LRFN2: variants seen among roughly 807,000 people sequenced by gnomAD.
The protein encoded by LRFN2 is leucine rich repeat and fibronectin type III domain containing 2.
Under a neutral mutation model 37.3 loss-of-function variants are expected in LRFN2, and 18 were observed. The ratio of observed to expected loss-of-function variants is 0.48; its 90% CI spans 0.33 to 0.72. The LOEUF (loss-of-function observed/expected upper bound fraction) is 0.72. Among genes scored for constraint, LRFN2 ranks in the 30% least tolerant of loss-of-function variants. The probability of loss-of-function intolerance (pLI) is 0.02; values close to 1 mark genes in which losing one functional copy is unlikely to be tolerated. For synonymous variants in LRFN2, 556 were observed against 466.6 expected (o/e 1.19, Z -2.47); for missense variants, 1,006 against 1,060.7 (o/e 0.95, Z 0.72).
At chr6:40,461,600 A>C (rs1207622569) in intron 1 of LRFN2, among the ~76,000 whole-genome samples, 8 of 142,980 alleles carry the variant, frequency 5.6e-5, no homozygotes, top group African/African-American at 1.5e-4. Flanking sequence ...AAAAAAAAAA[A>C]CCCTCCCTTC....
At chr6:40,566,308 T>C (rs1049073876) in intron 1 of LRFN2, among the ~76,000 whole-genome samples, 3 of 152,158 alleles carry the variant, frequency 2.0e-5, no homozygotes, top group African/African-American at 7.2e-5. Context: ...AGCTCAACCA[T>C]TGTGGAAGTC....
chr6:40,508,951 G>C lies in LRFN2; in HGVS notation c.-18-75820C>G, dbSNP rs182324243. Among the ~76,000 whole-genome samples the C allele has an allele frequency of 1.0e-3, 152 of 152,238 alleles. 2 individuals carry two copies. Among genetic ancestry groups the C allele is most frequent in the Middle Eastern group, 3.4e-3 (1 of 294 alleles). ...TTGGGTTGATAAGATCATCTCCAGG[G>C]CTCCTTCTATTCCAGGACTTTGAAA... On this transcript the variant is annotated intron_variant, in intron 1 of 2. Transcript: ENST00000338305.
chr6:40,470,083 G>C (rs1378892990), intron 1 of LRFN2, among the ~76,000 whole-genome samples: 1 of 152,122 alleles, frequency 6.6e-6, no homozygotes, highest in Admixed American at 6.5e-5. Context: ...GGGCCCCTTG[G>C]CACCTAAAGC....
At chr6:40,521,815 A>C (rs970780365) in intron 1 of LRFN2, among the ~76,000 whole-genome samples, 2 of 152,256 alleles carry the variant, frequency 1.3e-5, no homozygotes, top group Non-Finnish European at 2.9e-5. Flanking sequence ...GGGTGGGAGA[A>C]GCTGAACACA....
Position 40,420,018 on chromosome 6 carries a change from G to GT in LRFN2, c.1400+11695_1400+11696insA, listed in dbSNP as rs1173880867. On this transcript the variant is annotated intron_variant, in intron 2 of 2. Transcript: ENST00000338305. Reference sequence around the variant, plus strand: ...AGATCTCTTCCATGCTTCATTTCCTGCCGCTCACCTCCTTTACAATGCAAT... The same window carrying GT: ...AGATCTCTTCCATGCTTCATTTCCTGTCCGCTCACCTCCTTTACAATGCAAT... 1.1e-4 allele frequency among the ~76,000 whole-genome samples: 16 copies of GT among 152,164 alleles called. No homozygotes were observed. In the South Asian group the frequency reaches 3.3e-3, roughly 32 times the overall value.
At chr6:40,532,040 A>G (rs916015108) in intron 1 of LRFN2, among the ~76,000 whole-genome samples, 3 of 152,232 alleles carry the variant, frequency 2.0e-5, no homozygotes, top group African/African-American at 7.2e-5. Flanking sequence ...CTCAGTTTGC[A>G]TTCTAACCCC....
At chr6:40,480,946 C>T (rs1330112885) in intron 1 of LRFN2, among the ~76,000 whole-genome samples, 5 of 152,192 alleles carry the variant, frequency 3.3e-5, no homozygotes, top group Non-Finnish European at 7.3e-5. Context: ...AAAATAATGT[C>T]ACCTATACAT....
chr6:40,480,833 T>C (rs1056164231), intron 1 of LRFN2, among the ~76,000 whole-genome samples: 2 of 152,194 alleles, frequency 1.3e-5, no homozygotes, highest in Non-Finnish European at 2.9e-5. Flanking sequence ...GCTCATTAAA[T>C]GGTAGCTATT....
chr6:40,560,410 T>C (rs1766970764), intron 1 of LRFN2, among the ~76,000 whole-genome samples: 1 of 152,106 alleles, frequency 6.6e-6, no homozygotes, highest in Non-Finnish European at 1.5e-5. Context: ...AGACCCAACA[T>C]ATTCAGAAAT....
Position 40,392,572 on chromosome 6 carries a change from C to G in LRFN2, c.1741G>C (p.Gly581Arg). ...CTGCTTGGAGGCGGTGGCTGGGCGCCGTTGGTCTGCGAGTACACATTGCTC... is the reference window on the plus strand; with the variant it reads ...CTGCTTGGAGGCGGTGGCTGGGCGCGGTTGGTCTGCGAGTACACATTGCTC... Reference protein sequence around the residue: ...AVSNVYSQTNGAQPPPPSSAP... With the variant: ...AVSNVYSQTNRAQPPPPSSAP... Residue 581 changes from glycine (G) to arginine (R), a missense_variant, in exon 3 of 3, where the codon GGC (glycine) becomes CGC (arginine). Around this residue, in one of 4 missense-constraint regions of LRFN2, gnomAD observed 398 missense variants for 327.6 expected, o/e 1.21. Transcript: ENST00000338305. This position sits in a 1 kb window ranked among gnomAD's most constrained non-coding sequence, Gnocchi z 4.7. 1 of 1,605,648 alleles carries G rather than the reference C, an allele frequency of 6.2e-7. No individual in the cohort carries two copies. The highest frequency in any genetic ancestry group is 1.1e-5 in the South Asian group (1 of 90,926).
At chr6:40,446,167 C>T (rs1379850691) in intron 1 of LRFN2, among the ~76,000 whole-genome samples, 1 of 152,212 alleles carries the variant, frequency 6.6e-6, no homozygotes, top group African/African-American at 2.4e-5. Context: ...GGAATAGAGC[C>T]ATGACTAGGG....
chr6:40,533,374 A>AACACACACACAC (rs58462773), intron 1 of LRFN2, among the ~76,000 whole-genome samples: 352 of 143,060 alleles, frequency 2.5e-3, no homozygotes, highest in African/African-American at 8.5e-3. Context: ...TCTTGCTCAA[A>AACACACACACAC]ACACACACAC....
intron 1 of LRFN2, among the ~76,000 whole-genome samples, chr6:40,581,774 G>A (rs1328213767): frequency 6.6e-6 from 1 of 152,176 alleles, no homozygotes; most frequent in Non-Finnish European, 1.5e-5. Flanking sequence ...ACTAGGTACT[G>A]AGACCCTGGT....
chr6:40,497,263 C>G (rs1221213714), intron 1 of LRFN2, among the ~76,000 whole-genome samples: 5 of 152,198 alleles, frequency 3.3e-5, no homozygotes, highest in African/African-American at 1.2e-4. Context: ...CAGCAAACCA[C>G]TCCCTGGTTC....
chr6:40,450,961 C>T (rs1764088601), intron 1 of LRFN2, among the ~76,000 whole-genome samples: 2 of 152,210 alleles, frequency 1.3e-5, no homozygotes, highest in Admixed American at 6.5e-5. Context: ...TAGACATGCA[C>T]AGATGTGGGC....
At chr6:40,460,438 T>C (rs532795552) in intron 1 of LRFN2, among the ~76,000 whole-genome samples, 3 of 152,196 alleles carry the variant, frequency 2.0e-5, no homozygotes, top group Middle Eastern at 3.4e-3. Context: ...ACCATGAGCA[T>C]AGGAGGGGCA....
chr6:40,439,245 G>A (rs768835457), intron 1 of LRFN2, among the ~76,000 whole-genome samples: 2 of 152,210 alleles, frequency 1.3e-5, no homozygotes, highest in Non-Finnish European at 2.9e-5. Flanking sequence ...AATCAAGTAA[G>A]ATGCCTGTCT....
intron 2 of LRFN2, among the ~76,000 whole-genome samples, chr6:40,411,802 G>A (rs1179919244): frequency 2.0e-5 from 3 of 151,996 alleles, no homozygotes; most frequent in Non-Finnish European, 2.9e-5. Context: ...ACCCTGCCAT[G>A]TCTTGCCTGG....
At chr6:40,436,493 GTT>G (rs11326625) in intron 1 of LRFN2, among the ~76,000 whole-genome samples, 11,804 of 148,764 alleles carry the variant, frequency 0.079, 660 homozygotes, top group Admixed American at 0.18. Context: ...TAGGATATGT[GTT>G]TTTTTTTTTC....
Sources: gnomAD v4.1 joint callset for allele counts (sites outside exome capture counted in the v4.1 genomes callset) on GRCh38, gnomAD v4.1.1 for gene constraint, gnomAD v4.1.1 regional missense constraint, Gnocchi (gnomAD v3.1) non-coding constraint, MANE v1.5 for transcripts, NCBI Gene and HGNC (gene_info 2026-07-23, HGNC 2026-07-21) for gene names.